Variants in ZEB1 observed in about 807,000 individuals in gnomAD.
ZEB1 encodes zinc finger E-box binding homeobox 1.
Under a neutral mutation model 84.9 loss-of-function variants are expected in ZEB1, and 21 were observed. The ratio of observed to expected loss-of-function variants is 0.25; its 90% CI spans 0.18 to 0.36. The LOEUF (loss-of-function observed/expected upper bound fraction) is 0.36. Ranked by LOEUF, ZEB1 falls within the 10% of genes least tolerant of loss-of-function variation. ZEB1 has a pLI of 1.00. For synonymous variants in ZEB1, 420 were observed against 471.1 expected (o/e 0.89, Z 1.41); for missense variants, 1,104 against 1,330.2 (o/e 0.83, Z 2.65).
intron 1 of ZEB1, among the ~76,000 whole-genome samples, chr10:31,403,459 T>C (rs2052434538): frequency 6.6e-6 from 1 of 152,010 alleles, no homozygotes; most frequent in African/African-American, 2.4e-5. Context: ...ATATTCAGTT[T>C]TCTGGCAGAT....
At chr10:31,495,698 A>G in intron 2 of ZEB1, 78 bp from the exon 3 acceptor site, 1 of 1,484,632 alleles carries the variant, frequency 6.7e-7, no homozygotes, top group Non-Finnish European at 9.4e-7. Context: ...TAATTGGGAT[A>G]TCCAAAACTT....
chr10:31,442,424 G>A (rs1248979130), intron 1 of ZEB1, among the ~76,000 whole-genome samples: 3 of 152,126 alleles, frequency 2.0e-5, no homozygotes, highest in Non-Finnish European at 2.9e-5. Flanking sequence ...GGGGGTAGGG[G>A]GGAGGGATAG....
rs200770494 is a variant in ZEB1, at chr10:31,397,159, TTTATTATTATTA to T, written c.59-63846_59-63835del. Among the ~76,000 whole-genome samples, 256 of 128,358 alleles carry T rather than the reference TTTATTATTATTA, an allele frequency of 2.0e-3. 3 individuals are homozygous for T. Among genetic ancestry groups the T allele is most frequent in the African/African-American group, 5.8e-3 (196 of 33,586 alleles). The allele number at this position is 128,358 out of a possible 152,430, so 84.2% of individuals were successfully genotyped here. On this transcript the variant is annotated intron_variant, in intron 1 of 8. Transcript: ENST00000424869. Reference sequence around the variant, plus strand: ...TCCCGAGAAGCTTCATCTTGGGTTTTTTATTATTATTATTATTATTATTATTATTATTATTAT... The same window carrying T: ...TCCCGAGAAGCTTCATCTTGGGTTTTTTATTATTATTATTATTATTATTAT...
intron 4 of ZEB1, among the ~76,000 whole-genome samples, chr10:31,504,621 C>A (rs2068657115): frequency 6.6e-6 from 1 of 151,934 alleles, no homozygotes; most frequent in East Asian, 1.9e-4. Context: ...GTGTCTTCTT[C>A]AATTTCTTTC....
intron 1 of ZEB1, chr10:31,363,508 T>C (rs2043777135): frequency 6.5e-7 from 1 of 1,529,892 alleles, no homozygotes; most frequent in East Asian, 2.4e-5. Flanking sequence ...TGCTTCCCCA[T>C]TGCTACAGGG....
chr10:31,479,406 A>G (rs1209328756), intron 2 of ZEB1, among the ~76,000 whole-genome samples: 1 of 151,972 alleles, frequency 6.6e-6, no homozygotes, highest in Non-Finnish European at 1.5e-5. Context: ...GTCATTCTGT[A>G]AGACCAGCAT....
intron 1 of ZEB1, among the ~76,000 whole-genome samples, chr10:31,396,790 C>T (rs2050808437): frequency 1.3e-5 from 2 of 152,010 alleles, no homozygotes; most frequent in Admixed American, 6.6e-5. Context: ...GTGAAATTAC[C>T]TGAAGGAATG....
chr10:31,381,672 T>C (rs975182428), intron 1 of ZEB1: 3 of 152,150 alleles, frequency 2.0e-5, no homozygotes, highest in African/African-American at 7.2e-5. Context: ...ATAGGTGTGT[T>C]ACCCAGATAC....
chr10:31,381,957 G>A (rs1360019960), intron 1 of ZEB1: 1 of 130,040 alleles, frequency 7.7e-6, no homozygotes, highest in East Asian at 2.6e-4. Context: ...GTTGCAGTGA[G>A]ATGAGATTGT....
chr10:31,331,089 T>C lies in ZEB1; in HGVS notation c.58+11797T>C, dbSNP rs1241983497. Among the ~76,000 whole-genome samples, 8 of 120,960 alleles carry C rather than the reference T, an allele frequency of 6.6e-5. No individual in the cohort carries two copies. The East Asian group carries it at 1.7e-3, about 25-fold the overall frequency. The allele number at this position is 120,960 out of a possible 152,430, so 79.4% of individuals were successfully genotyped here. A position where few individuals can be genotyped will look rare whatever the true frequency, so the allele number is the denominator to read the frequency against. On this transcript the variant is annotated intron_variant, in intron 1 of 8. Transcript: ENST00000424869. ...TTCTTTTTTCTTTCTTTCTTTTTTT[T>C]TTTTTTTTTTTTTTTTTTGAGACGG... is the stretch of plus-strand genomic sequence containing the variant.
At chr10:31,457,539 C>T (rs2061374547) in intron 1 of ZEB1, among the ~76,000 whole-genome samples, 1 of 151,896 alleles carries the variant, frequency 6.6e-6, no homozygotes, top group Non-Finnish European at 1.5e-5. Flanking sequence ...CATTTTATGA[C>T]ACATATCAAA....
intron 3 of ZEB1, among the ~76,000 whole-genome samples, chr10:31,496,988 T>G (rs1182281736): frequency 6.6e-6 from 1 of 152,118 alleles, no homozygotes; most frequent in African/African-American, 2.4e-5. Context: ...TGTGATAATT[T>G]GTGGTGCGTA....
rs571440114 is a variant in ZEB1 at position 31,448,815 on chromosome 10, A to G, written c.59-12222A>G. On this transcript the variant is annotated intron_variant, in intron 1 of 8. Coordinates refer to ENST00000424869, the MANE Select transcript of ZEB1 (RefSeq NM_001174096.2). ...ACTGGGAGAACCACTGCTCTCTTCA[A>G]AGCTGTCAGACAGGGACATTTAAGT... Among the ~76,000 whole-genome samples, 58 of 152,254 alleles carry G rather than the reference A, an allele frequency of 3.8e-4. 1 individual carries two copies. The South Asian group carries it at 0.012, about 32-fold the overall frequency.
chr10:31,394,800 G>A (rs541394153), intron 1 of ZEB1, among the ~76,000 whole-genome samples: 1 of 152,336 alleles, frequency 6.6e-6, no homozygotes, highest in South Asian at 2.1e-4. Context: ...TGAAGGATGG[G>A]AGGGTGTGAA....
intron 1 of ZEB1, among the ~76,000 whole-genome samples, chr10:31,436,820 TG>T (rs1249528973): frequency 6.6e-6 from 1 of 152,180 alleles, no homozygotes; most frequent in Non-Finnish European, 1.5e-5. Context: ...TTTTTATATA[TG>T]GTATTAAATT....
chr10:31,523,653 C>T (rs1040123493), intron 7 of ZEB1, among the ~76,000 whole-genome samples: 4 of 152,160 alleles, frequency 2.6e-5, no homozygotes, highest in African/African-American at 7.2e-5. Context: ...GCTTTCTTTT[C>T]GGTGTCCTTG....
chr10:31,493,460 T>C (rs145022843), intron 2 of ZEB1, among the ~76,000 whole-genome samples: 53 of 152,146 alleles, frequency 3.5e-4, no homozygotes, highest in African/African-American at 1.2e-3. Context: ...AGCATTCTAG[T>C]GTTCTTTTTA....
intron 1 of ZEB1, among the ~76,000 whole-genome samples, chr10:31,421,916 C>G (rs2056221138): frequency 6.6e-6 from 1 of 152,062 alleles, no homozygotes. Flanking sequence ...TGCACCAACT[C>G]AAATCACAGT....
chr10:31,427,037 GTC>G (rs2057027684), intron 1 of ZEB1, among the ~76,000 whole-genome samples: 1 of 151,712 alleles, frequency 6.6e-6, no homozygotes, highest in Admixed American at 6.6e-5. Flanking sequence ...CATCATTGTA[GTC>G]TCTCTTACTT....
Sources: allele counts gnomAD v4.1 joint callset (sites outside exome capture counted in the v4.1 genomes callset), GRCh38; gene constraint gnomAD v4.1.1; transcripts MANE v1.5; gene names NCBI Gene and HGNC (gene_info 2026-07-23, HGNC 2026-07-21).